The following CFAP299 variants were observed in gnomAD, a reference collection of about 807,000 sequenced individuals.
The protein encoded by CFAP299 is cilia- and flagella-associated protein 299.
Under a neutral mutation model 27.0 loss-of-function variants are expected in CFAP299, and 21 were observed. The ratio of observed to expected loss-of-function variants is 0.78; its 90% CI spans 0.55 to 1.12. The LOEUF (loss-of-function observed/expected upper bound fraction) is 1.12. Among genes scored for constraint, CFAP299 ranks in the 50% most tolerant of loss-of-function variants. The pLI, the probability that CFAP299 is intolerant of heterozygous loss-of-function variation, is 0.00. For synonymous variants in CFAP299, 104 were observed against 98.1 expected (o/e 1.06, Z -0.36); for missense variants, 310 against 276.6 (o/e 1.12, Z -0.86).
At chr4:80,483,104 A>G (rs1352572875) in intron 2 of CFAP299, among the ~76,000 whole-genome samples, 1 of 152,250 alleles carries the variant, frequency 6.6e-6, no homozygotes, top group East Asian at 1.9e-4. Context: ...CAATGTAATC[A>G]CAAAGGTTCT....
chr4:80,847,341 C>A (rs779747160), intron 3 of CFAP299, among the ~76,000 whole-genome samples: 3 of 152,134 alleles, frequency 2.0e-5, no homozygotes, highest in African/African-American at 4.8e-5. Context: ...CTGTCTATGC[C>A]CCTTGACACA....
Position 80,594,118 on chromosome 4 carries a change from C to T in CFAP299, c.333+10935C>T, listed in dbSNP as rs534698452. On this transcript the variant is annotated intron_variant, in intron 3 of 5. Transcript: ENST00000358105. Reference sequence around the variant, plus strand: ...CATGCTAGGTATATTAGTCCATTTTCGCACTGCTATAAAGAAATATCCAAG... The same window carrying T: ...CATGCTAGGTATATTAGTCCATTTTTGCACTGCTATAAAGAAATATCCAAG... Among the ~76,000 whole-genome samples, 14 of 152,176 alleles carry T rather than the reference C, an allele frequency of 9.2e-5. No homozygotes were observed. In the South Asian group the frequency reaches 1.7e-3, roughly 18 times the overall value.
chr4:80,691,192 A>T (rs1281101077), intron 3 of CFAP299, among the ~76,000 whole-genome samples: 1 of 114,084 alleles, frequency 8.8e-6, no homozygotes, highest in Non-Finnish European at 1.8e-5. Flanking sequence ...AACTCATTTT[A>T]TGAGGCCAGC....
intron 3 of CFAP299, among the ~76,000 whole-genome samples, chr4:80,697,445 A>T (rs1248218451): frequency 1.3e-5 from 2 of 152,224 alleles, no homozygotes; most frequent in Non-Finnish European, 2.9e-5. Context: ...CACCTCTTCT[A>T]GTCAGATACT....
At chr4:80,519,804 C>G (rs1732812241) in intron 2 of CFAP299, among the ~76,000 whole-genome samples, 1 of 152,158 alleles carries the variant, frequency 6.6e-6, no homozygotes, top group Non-Finnish European at 1.5e-5. Context: ...TATCCTGTAA[C>G]TGCCCTTAAA....
chr4:80,913,230 G>A (rs917085340), intron 4 of CFAP299, among the ~76,000 whole-genome samples: 2 of 152,160 alleles, frequency 1.3e-5, no homozygotes, highest in Admixed American at 6.5e-5. Flanking sequence ...AAGTTGGGAG[G>A]CAGCAAGGGA....
chr4:80,497,554 T>C (rs888291572), intron 2 of CFAP299, among the ~76,000 whole-genome samples: 13 of 152,102 alleles, frequency 8.5e-5, no homozygotes, highest in African/African-American at 2.9e-4. Context: ...GCAGGCATAG[T>C]AAAGATTGCC....
intron 3 of CFAP299, among the ~76,000 whole-genome samples, chr4:80,720,208 T>C (rs946527259): frequency 1.3e-5 from 2 of 152,090 alleles, no homozygotes; most frequent in African/African-American, 4.8e-5. Flanking sequence ...CCTCAAGAAC[T>C]GAGCTGAGTA....
chr4:80,923,006 T>A (rs1418724232), intron 4 of CFAP299, among the ~76,000 whole-genome samples: 1 of 151,938 alleles, frequency 6.6e-6, no homozygotes, highest in African/African-American at 2.4e-5. Flanking sequence ...TAGGTCAATA[T>A]GTGCTATGTA....
chr4:80,944,696 G>A (rs1737379592), intron 4 of CFAP299, 114 bp from the exon 5 acceptor site: 1 of 705,584 alleles, frequency 1.4e-6, no homozygotes, highest in Non-Finnish European at 2.4e-6. Context: ...TGGTTGTATG[G>A]CATGTTTGTA....
At chr4:80,337,260 G>A (rs531446006) in intron 1 of CFAP299, among the ~76,000 whole-genome samples, 5 of 152,280 alleles carry the variant, frequency 3.3e-5, no homozygotes, top group Non-Finnish European at 5.9e-5. Flanking sequence ...ATATGTGGAA[G>A]ATTGGCAAAT....
intron 4 of CFAP299, among the ~76,000 whole-genome samples, chr4:80,907,492 T>C (rs1335422515): frequency 1.3e-5 from 2 of 152,152 alleles, no homozygotes; most frequent in South Asian, 2.1e-4. Context: ...TGAGACTGGG[T>C]GATTTATAAA....
chr4:80,784,075 T>G (rs948278413), intron 3 of CFAP299, among the ~76,000 whole-genome samples: 7 of 152,306 alleles, frequency 4.6e-5, no homozygotes, highest in Non-Finnish European at 2.9e-5. Context: ...AGGATCTCTT[T>G]TTTTAGAGGC....
chr4:80,939,925 A>G lies in CFAP299; in HGVS notation c.477-4885A>G, dbSNP rs150997963. 4.1e-3 allele frequency among the ~76,000 whole-genome samples: 618 copies of G among 152,224 alleles called. 1 individual carries two copies. Among genetic ancestry groups the G allele is most frequent in the Middle Eastern group, 0.014 (4 of 294 alleles). On this transcript the variant is annotated intron_variant, in intron 4 of 5. Transcript: ENST00000358105. ...GTCTTCTCTTGATCCTGTTAAGTCA[A>G]GCCAGGTGTTGAGAGCCTCCTCTTT...
intron 3 of CFAP299, among the ~76,000 whole-genome samples, chr4:80,644,771 T>A (rs1003335549): frequency 2.0e-5 from 3 of 152,182 alleles, no homozygotes; most frequent in Non-Finnish European, 4.4e-5. Flanking sequence ...AATTGTCCCA[T>A]GTGTGACTCC....
At chr4:80,520,501 G>C (rs1732856372) in intron 2 of CFAP299, among the ~76,000 whole-genome samples, 1 of 152,132 alleles carries the variant, frequency 6.6e-6, no homozygotes, top group Non-Finnish European at 1.5e-5. Context: ...ACATGGAAAT[G>C]TCAAAGCATT....
intron 3 of CFAP299, among the ~76,000 whole-genome samples, chr4:80,669,877 AG>A (rs538945132): frequency 6.7e-4 from 102 of 152,056 alleles, no homozygotes; most frequent in African/African-American, 2.2e-3. Context: ...CAACTCATTA[AG>A]GGTTTTTTAT....
chr4:80,418,186 G>A (rs1291440169), intron 2 of CFAP299, among the ~76,000 whole-genome samples: 1 of 151,770 alleles, frequency 6.6e-6, no homozygotes, highest in African/African-American at 2.4e-5. Context: ...ACTAACTCTT[G>A]AATCACTGTA....
chr4:80,836,627 A>C (rs1730575118), intron 3 of CFAP299, among the ~76,000 whole-genome samples: 1 of 152,150 alleles, frequency 6.6e-6, no homozygotes, highest in Non-Finnish European at 1.5e-5. Context: ...GACCTGGATA[A>C]TTCAGTATAA....
Sources: gnomAD v4.1 joint callset for allele counts (sites outside exome capture counted in the v4.1 genomes callset) on GRCh38, gnomAD v4.1.1 for gene constraint, MANE v1.5 for transcripts, NCBI Gene and HGNC (gene_info 2026-07-23, HGNC 2026-07-21) for gene names.